PCDHGB3: variants seen among roughly 807,000 people sequenced by gnomAD.
The protein encoded by PCDHGB3 is protocadherin gamma subfamily B, 3.
Under a neutral mutation model 59.2 loss-of-function variants are expected in PCDHGB3, and 40 were observed. That is an observed-to-expected ratio of 0.68 (90% confidence interval 0.52 to 0.88). PCDHGB3 has a LOEUF of 0.88. Ranked by LOEUF, PCDHGB3 falls within the 40% of genes least tolerant of loss-of-function variation. The probability of loss-of-function intolerance (pLI) is 0.00; values close to 1 mark genes in which losing one functional copy is unlikely to be tolerated. For synonymous variants in PCDHGB3, 581 were observed against 503.6 expected (o/e 1.15, Z -2.06); for missense variants, 1,309 against 1,187.9 (o/e 1.10, Z -1.50).
chr5:141,421,443 G>A (rs1561793987), intron 1 of PCDHGB3: 4 of 1,614,106 alleles, frequency 2.5e-6, no homozygotes, highest in Non-Finnish European at 2.5e-6. Flanking sequence ...CCAGAGGGAA[G>A]ACACAGCTTT....
At chr5:141,414,352 T>C in intron 1 of PCDHGB3, 8 of 1,613,968 alleles carry the variant, frequency 5.0e-6, no homozygotes, top group Non-Finnish European at 6.8e-6. Flanking sequence ...CATTTTGGCG[T>C]ATCTACCATT....
At chr5:141,474,758 C>T (rs2099354200) in intron 1 of PCDHGB3, among the ~76,000 whole-genome samples, 1 of 152,210 alleles carries the variant, frequency 6.6e-6, no homozygotes, top group Non-Finnish European at 1.5e-5. Flanking sequence ...GACAAATATA[C>T]AGAAATAGTA....
At position 141,371,862 on chromosome 5, in the gene PCDHGB3, T is replaced by C. The variant is rs549873232; in HGVS notation, c.1468T>C (p.Tyr490His). 34 of 1,613,560 alleles carry C rather than the reference T, an allele frequency of 2.1e-5. No individual in the cohort carries two copies. The highest frequency in any genetic ancestry group is 1.5e-4 in the African/African-American group (11 of 75,074). The change falls in exon 1 of 4, where the codon TAC (tyrosine) becomes CAC (histidine). Residue 490 changes from tyrosine (Y) to histidine (H), a missense_variant. Tyr to His is a moderately conservative substitution (Grantham distance 83). Coordinates refer to ENST00000576222, the MANE Select transcript of PCDHGB3 (RefSeq NM_018924.5). ...DLGPNGLVSY[Y>H]IVASDLEPRE... ...GGGACCTAATGGCCTTGTCTCCTAC[T>C]ACATCGTGGCCAGTGACCTGGAGCC...
chr5:141,477,229 C>T lies in PCDHGB3; in HGVS notation c.2416-17578C>T. ...AGGATGCCCCTCTGGGGACTGTCAT[C>T]GCTTTGCTCAGTGTGACTGACCTGG... On this transcript the variant is annotated intron_variant, in intron 1 of 3. Transcript: ENST00000576222. The surrounding 1 kb of genome is among the most constrained non-coding windows in gnomAD (Gnocchi z 4.9). 6.2e-7 allele frequency: 1 copy of T among 1,614,222 alleles called. No homozygotes were observed. Among genetic ancestry groups the T allele is most frequent in the Non-Finnish European group, 8.5e-7 (1 of 1,180,052 alleles).
rs767107885 is a variant in PCDHGB3, at chr5:141,423,138, C to T, written c.2415+50329C>T. ...CAGCGCGGGCACTGCTGGACAGAGA[C>T]GCGCTCAAGCAGAGCCTCGTGGTGG... On this transcript the variant is annotated intron_variant, in intron 1 of 3. Transcript: ENST00000576222. 2.5e-6 allele frequency: 4 copies of T among 1,613,606 alleles called. 1 individual carries two copies. The highest frequency in any genetic ancestry group is 3.4e-6 in the Non-Finnish European group (4 of 1,179,912).
intron 1 of PCDHGB3, chr5:141,419,043 ATTC>A (rs560207463): frequency 6.2e-5 from 100 of 1,613,840 alleles, no homozygotes; most frequent in Non-Finnish European, 8.1e-5. Context: ...TTTAAGATTC[ATTC>A]TTCTTCTAAT....
chr5:141,377,736 G>A (rs1308540994), intron 1 of PCDHGB3: 1 of 152,060 alleles, frequency 6.6e-6, no homozygotes, highest in African/African-American at 2.4e-5. Flanking sequence ...AAGAATCATT[G>A]GTAACTGCAG....
chr5:141,438,231 TG>T (rs987686126), intron 1 of PCDHGB3, among the ~76,000 whole-genome samples: 1 of 152,082 alleles, frequency 6.6e-6, no homozygotes, highest in African/African-American at 2.4e-5. Context: ...TTCAGGAAAA[TG>T]TTTTTAAAAA....
Position 141,374,498 on chromosome 5 carries a change from G to GA in PCDHGB3, c.2415+1691dup, listed in dbSNP as rs1265465509. Reference sequence around the variant, plus strand: ...ACCCCGATTCTTAAAGGAAGAATTGGAAGTGAAAATTCTCGAAAACGCAGC... The same window carrying GA: ...ACCCCGATTCTTAAAGGAAGAATTGGAAAGTGAAAATTCTCGAAAACGCAGC... On this transcript the variant is annotated intron_variant, in intron 1 of 3. Transcript: ENST00000576222. 3 of 1,611,504 alleles carry GA rather than the reference G, an allele frequency of 1.9e-6. No homozygotes were observed. The South Asian group carries it at 3.3e-5, about 18-fold the overall frequency.
At position 141,511,420 on chromosome 5, in the gene PCDHGB3, G is replaced by A; in HGVS notation, c.*247G>A. On this transcript the variant is annotated 3_prime_UTR_variant, in exon 4 of 4. Coordinates refer to ENST00000576222, the MANE Select transcript of PCDHGB3 (RefSeq NM_018924.5). ...TCCAATCAACTGCTGTACCCATGGG[G>A]GTAGTGGGGTTACTGTAGACACCAA... 2.4e-6 allele frequency: 2 copies of A among 830,862 alleles called. No individual in the cohort carries two copies. Among genetic ancestry groups the A allele is most frequent in the Non-Finnish European group, 1.8e-6 (1 of 557,336 alleles). The allele number at this position is 830,862 out of a possible 1,614,324, so 51.5% of individuals were successfully genotyped here.
chr5:141,486,637 G>T lies in PCDHGB3; in HGVS notation c.2416-8170G>T. On this transcript the variant is annotated intron_variant, in intron 1 of 3. Coordinates refer to ENST00000576222, the MANE Select transcript of PCDHGB3 (RefSeq NM_018924.5). This position sits in a 1 kb window ranked among gnomAD's most constrained non-coding sequence, Gnocchi z 5.0. ...CTGACCCAGACTCTGGCTTGAATGCGCTTATCTCCTACTCACTCCTGGAGC... is the reference window on the plus strand; with the variant it reads ...CTGACCCAGACTCTGGCTTGAATGCTCTTATCTCCTACTCACTCCTGGAGC... 6.2e-7 allele frequency: 1 copy of T among 1,613,638 alleles called. No homozygotes were observed. The highest frequency in any genetic ancestry group is 8.5e-7 in the Non-Finnish European group (1 of 1,180,034).
At chr5:141,418,265 G>A (rs2096242953) in intron 1 of PCDHGB3, 1 of 1,614,062 alleles carries the variant, frequency 6.2e-7, no homozygotes, top group East Asian at 2.2e-5. Context: ...ATTCCGGAAA[G>A]ATGAAATAAA....
At chr5:141,415,818 A>C in intron 1 of PCDHGB3, 11 of 1,325,038 alleles carry the variant, frequency 8.3e-6, no homozygotes, top group Non-Finnish European at 8.7e-6. Flanking sequence ...CCTATATATC[A>C]TAAGGCTTTG....
At chr5:141,410,576 C>A (rs533810160) in intron 1 of PCDHGB3, 1 of 1,611,270 alleles carries the variant, frequency 6.2e-7, no homozygotes, top group African/African-American at 1.3e-5. Flanking sequence ...AATTCCACCT[C>A]ATGGTGGGGA....
chr5:141,405,437 T>A, intron 1 of PCDHGB3: 1 of 1,433,230 alleles, frequency 7.0e-7, no homozygotes, highest in Non-Finnish European at 9.6e-7. Context: ...GTTTTGTTTT[T>A]GAGACAGAGT....
chr5:141,447,919 C>G (rs940570932), intron 1 of PCDHGB3, among the ~76,000 whole-genome samples: 2 of 152,012 alleles, frequency 1.3e-5, no homozygotes, highest in East Asian at 1.9e-4. Context: ...AACTCTGTCT[C>G]CACTAAAAAT....
At chr5:141,440,431 A>G (rs1338519888) in intron 1 of PCDHGB3, 1 of 152,222 alleles carries the variant, frequency 6.6e-6, no homozygotes, top group Non-Finnish European at 1.5e-5. Flanking sequence ...TGGGTGACAG[A>G]GCAAGGCGCC....
intron 1 of PCDHGB3, chr5:141,394,275 A>T: frequency 6.2e-7 from 1 of 1,613,910 alleles, no homozygotes; most frequent in Non-Finnish European, 8.5e-7. Context: ...TGCCCAGGTC[A>T]CTTACTCTGT....
chr5:141,486,671 C>T lies in PCDHGB3; in HGVS notation c.2416-8136C>T, dbSNP rs1307620045. The T allele has an allele frequency of 1.9e-6, 3 of 1,613,926 alleles. No homozygotes were observed. Among genetic ancestry groups the T allele is most frequent in the South Asian group, 1.1e-5 (1 of 91,078 alleles). On this transcript the variant is annotated intron_variant, in intron 1 of 3. Coordinates refer to ENST00000576222, the MANE Select transcript of PCDHGB3 (RefSeq NM_018924.5). This position sits in a 1 kb window ranked among gnomAD's most constrained non-coding sequence, Gnocchi z 5.0. Reference sequence around the variant, plus strand: ...CTACTCACTCCTGGAGCCCAGGAATCGAGATGTATCAGCTTCCTCTTTCAT... The same window carrying T: ...CTACTCACTCCTGGAGCCCAGGAATTGAGATGTATCAGCTTCCTCTTTCAT...
Sources: gnomAD v4.1 joint callset for allele counts (sites outside exome capture counted in the v4.1 genomes callset) on GRCh38, gnomAD v4.1.1 for gene constraint, Gnocchi (gnomAD v3.1) non-coding constraint, MANE v1.5 for transcripts, NCBI Gene and HGNC (gene_info 2026-07-23, HGNC 2026-07-21) for gene names.